Variants in ZNF33B observed in about 807,000 individuals in gnomAD.
ZNF33B encodes zinc finger protein 11b (KOX 2).
ZNF33B carries 29 observed loss-of-function variants against 45.8 expected under a neutral mutation model. The observed-to-expected ratio is 0.63, with a 90% confidence interval of 0.47 to 0.86. The LOEUF (loss-of-function observed/expected upper bound fraction) is 0.86. ZNF33B is among the 40% of genes least tolerant of loss of function. The pLI is 0.00. For synonymous variants in ZNF33B, 305 were observed against 307.8 expected, an observed-to-expected ratio of 0.99 and a Z score of 0.10; for missense variants, 831 against 909.9, an observed-to-expected ratio of 0.91 and a Z score of 1.12.
intron 1 of ZNF33B, among the ~76,000 whole-genome samples, chr10:42,574,919 T>A (rs1055207281): frequency 6.6e-6 from 1 of 152,146 alleles, no homozygotes; most frequent in South Asian, 2.1e-4. Context: ...AAGGGAAAAG[T>A]GGTGCTGAGG....
rs761247656 is a variant in ZNF33B, at chr10:42,593,848, C to T, written c.1102G>A (p.Glu368Lys). The change falls in exon 5 of 5, where the codon GAG becomes AAG. Residue 368 changes from glutamate to lysine, a missense_variant. Glu to Lys is a moderately conservative substitution (Grantham distance 56). Coordinates refer to ENST00000359467, the MANE Select transcript of ZNF33B (RefSeq NM_006955.3). ...TGATGTTTAGTGAGGTTTGACTTCT[C>T]CCAGAAAGTTTTTCCACATTGATTA... ...QCNQCGKTFW[E>K]KSNLTKHQRS... 5 of 1,614,044 alleles carry T rather than the reference C, an allele frequency of 3.1e-6. No individual in the cohort carries two copies. The South Asian group carries it at 5.5e-5, about 18-fold the overall frequency.
chr10:42,625,038 T>TTATATATATATATATA (rs58614890), intron 4 of ZNF33B, among the ~76,000 whole-genome samples: 2 of 145,520 alleles, frequency 1.4e-5, no homozygotes, highest in Middle Eastern at 3.3e-3. Flanking sequence ...GTTTCATATT[T>TTATATATATATATATA]TATATATATA....
intron 2 of ZNF33B, 49 bp from the exon 3 acceptor site, chr10:42,632,488 C>A (rs759404020): frequency 1.9e-6 from 3 of 1,577,028 alleles, no homozygotes; most frequent in Non-Finnish European, 2.6e-6. Context: ...ATGGGCTAAT[C>A]CTTACCATGA....
At chr10:42,578,108 G>T (rs552380224) in intron 1 of ZNF33B, among the ~76,000 whole-genome samples, 7 of 152,096 alleles carry the variant, frequency 4.6e-5, no homozygotes, top group Non-Finnish European at 1.0e-4. Context: ...CCTGGCCTCC[G>T]CTCAGGACTC....
chr10:42,624,178 A>G (rs1237471532), intron 4 of ZNF33B, among the ~76,000 whole-genome samples: 1 of 152,120 alleles, frequency 6.6e-6, no homozygotes, highest in Non-Finnish European at 1.5e-5. Flanking sequence ...CCTCATCGTG[A>G]GGGCCCCACC....
At chr10:42,614,369 A>T (rs1838226733) in intron 4 of ZNF33B, 1 of 153,542 alleles carries the variant, frequency 6.5e-6, no homozygotes, top group African/African-American at 2.4e-5. Context: ...CTAAAGAGAC[A>T]TAACAACTAA....
chr10:42,584,994 G>C (rs1369042291), downstream of ZNF33B, among the ~76,000 whole-genome samples: 3 of 152,196 alleles, frequency 2.0e-5, no homozygotes, highest in Non-Finnish European at 4.4e-5. Context: ...GGGAGAAGGA[G>C]TCTTTCTCAC....
chr10:42,600,135 T>C (rs532841328), intron 4 of ZNF33B, among the ~76,000 whole-genome samples: 1 of 152,258 alleles, frequency 6.6e-6, no homozygotes, highest in Non-Finnish European at 1.5e-5. Context: ...ATATATTCGT[T>C]CATCTGCCCT....
rs550367948 is a variant in ZNF33B, at chr10:42,616,930, G to A, written c.250+14999C>T. Among the ~76,000 whole-genome samples the A allele has an allele frequency of 2.4e-4, 36 of 151,564 alleles. 1 individual carries two copies. The highest frequency in any genetic ancestry group is 1.8e-3 in the Admixed American group (27 of 15,216). On this transcript the variant is annotated intron_variant, in intron 4 of 4. Coordinates refer to ENST00000359467, the MANE Select transcript of ZNF33B (RefSeq NM_006955.3). ...AGGATGGTCTCCATCTCCTGACCTC[G>A]TGATCTGCACACCTCAGCCTCCCAA...
At chr10:42,585,998 T>G (rs1836926451), downstream of ZNF33B, among the ~76,000 whole-genome samples, 1 of 152,214 alleles carries the variant, frequency 6.6e-6, no homozygotes, top group South Asian at 2.1e-4. Flanking sequence ...TCAGGATGCC[T>G]TGCTCTAGTT....
At chr10:42,586,889 T>G (rs988289880), downstream of ZNF33B, among the ~76,000 whole-genome samples, 1 of 152,118 alleles carries the variant, frequency 6.6e-6, no homozygotes, top group Non-Finnish European at 1.5e-5. Flanking sequence ...GCAATAGAAA[T>G]TTACCTCTCA....
In ZNF33B at chr10:42,638,476, C is replaced by T; in HGVS notation, c.-47G>A. ...CTGCCCAACCCGCGGAGGCTTACCT[C>T]ACTCTCTCTTCGGGTTGCATTCGCC... On this transcript the variant is annotated splice_region_variant and 5_prime_UTR_variant, in exon 1 of 5. Coordinates refer to ENST00000359467, the MANE Select transcript of ZNF33B (RefSeq NM_006955.3). 2.3e-6 allele frequency: 1 copy of T among 441,594 alleles called. No individual in the cohort carries two copies. The highest frequency in any genetic ancestry group is 1.6e-5 in the South Asian group (1 of 60,810). The allele number at this position is 441,594 out of a possible 1,614,324, so 27.4% of individuals were successfully genotyped here.
chr10:42,621,833 C>A (rs534169337), intron 4 of ZNF33B, among the ~76,000 whole-genome samples: 2 of 152,136 alleles, frequency 1.3e-5, no homozygotes, highest in Non-Finnish European at 2.9e-5. Flanking sequence ...TTTAACACTG[C>A]AGTAGAAGTT....
chr10:42,598,500 T>C (rs1421568454), intron 4 of ZNF33B, among the ~76,000 whole-genome samples: 1 of 152,232 alleles, frequency 6.6e-6, no homozygotes, highest in Non-Finnish European at 1.5e-5. Context: ...CTCTCAAGTA[T>C]CCTGTCTACT....
At chr10:42,585,798 G>A (rs1323300220), downstream of ZNF33B, among the ~76,000 whole-genome samples, 1 of 152,138 alleles carries the variant, frequency 6.6e-6, no homozygotes, top group African/African-American at 2.4e-5. Context: ...TAAGCCTCTT[G>A]GTTGTCTTTG....
intron 1 of ZNF33B, among the ~76,000 whole-genome samples, chr10:42,577,564 A>T (rs1836766237): frequency 6.6e-6 from 1 of 152,118 alleles, no homozygotes; most frequent in Non-Finnish European, 1.5e-5. Context: ...AAGGCTTCTG[A>T]TTCTCCAGTA....
chr10:42,630,351 C>A (rs1227073930), intron 4 of ZNF33B, among the ~76,000 whole-genome samples: 2 of 152,132 alleles, frequency 1.3e-5, no homozygotes, highest in African/African-American at 2.4e-5. Flanking sequence ...TCATTCCCTG[C>A]AGGGAATGTG....
At chr10:42,618,504 A>C (rs1838429516) in intron 4 of ZNF33B, among the ~76,000 whole-genome samples, 1 of 152,228 alleles carries the variant, frequency 6.6e-6, no homozygotes, top group African/African-American at 2.4e-5. Context: ...TGGAACTGAC[A>C]AACTATTTTC....
At chr10:42,635,894 G>A (rs1564531475) in intron 2 of ZNF33B, among the ~76,000 whole-genome samples, 2 of 152,138 alleles carry the variant, frequency 1.3e-5, no homozygotes, top group Non-Finnish European at 2.9e-5. Flanking sequence ...ACTTTGGGAG[G>A]CCGAGGAGGG....
Sources: allele counts gnomAD v4.1 joint callset (sites outside exome capture counted in the v4.1 genomes callset), GRCh38; gene constraint gnomAD v4.1.1; transcripts MANE v1.5; gene names NCBI Gene and HGNC (gene_info 2026-07-23, HGNC 2026-07-21).